DPP6: variants seen among roughly 807,000 people sequenced by gnomAD.
DPP6 encodes the protein dipeptidyl peptidase like 6.
Under a neutral mutation model 122.6 loss-of-function variants are expected in DPP6, and 69 were observed. The ratio of observed to expected loss-of-function variants is 0.56; its 90% confidence interval spans 0.46 to 0.69. DPP6 has a LOEUF of 0.69. Among genes scored for constraint, DPP6 ranks in the 30% least tolerant of loss-of-function variants. The probability of loss-of-function intolerance (pLI) is 0.00; values close to 1 mark genes in which losing one functional copy is unlikely to be tolerated. For synonymous variants in DPP6, 418 were observed against 433.1 expected (o/e 0.97, Z 0.43); for missense variants, 928 against 1,116.9 (o/e 0.83, Z 2.41).
intron 1 of DPP6, among the ~76,000 whole-genome samples, chr7:153,988,500 G>C (rs2129040992): frequency 6.6e-6 from 1 of 152,312 alleles, no homozygotes; most frequent in South Asian, 2.1e-4. Context: ...GTGGAGGCTT[G>C]CACATTTGTT....
chr7:154,207,753 C>T (rs923754482), intron 1 of DPP6, among the ~76,000 whole-genome samples: 3 of 152,120 alleles, frequency 2.0e-5, no homozygotes, highest in East Asian at 3.8e-4. Context: ...GAAGCAGAAC[C>T]CAGAGAATCT....
At chr7:154,572,699 A>T (rs1282983059) in intron 5 of DPP6, among the ~76,000 whole-genome samples, 12 of 82,884 alleles carry the variant, frequency 1.4e-4, no homozygotes, top group East Asian at 6.4e-4. Context: ...TTTTTTTTTG[A>T]GACAGAGTCT....
chr7:154,763,508 C>T (rs1170398469), intron 8 of DPP6, among the ~76,000 whole-genome samples: 3 of 152,094 alleles, frequency 2.0e-5, no homozygotes, highest in African/African-American at 4.8e-5. Context: ...AGGCACAGTT[C>T]GCTTGTCCAT....
intron 6 of DPP6, among the ~76,000 whole-genome samples, chr7:154,639,490 T>C (rs1390466734): frequency 1.3e-5 from 2 of 152,254 alleles, no homozygotes; most frequent in Non-Finnish European, 2.9e-5. Context: ...TTGTAGATGA[T>C]AGATATTTCG....
At chr7:154,512,517 A>T (rs1826168291) in intron 3 of DPP6, among the ~76,000 whole-genome samples, 1 of 152,220 alleles carries the variant, frequency 6.6e-6, no homozygotes, top group South Asian at 2.1e-4. Flanking sequence ...AGTTAAAAAT[A>T]ATGACTTAAT....
intron 1 of DPP6, among the ~76,000 whole-genome samples, chr7:153,919,147 A>G (rs1291005087): frequency 2.0e-5 from 3 of 152,062 alleles, no homozygotes; most frequent in African/African-American, 7.2e-5. Flanking sequence ...CCTTGGCCTT[A>G]TTCTTGAACT....
At chr7:153,784,198 C>T in the DPP6 span, among the ~76,000 whole-genome samples, 1 of 152,238 alleles carries the variant, frequency 6.6e-6, no homozygotes, top group Admixed American at 6.5e-5. Flanking sequence ...AATAAATGTG[C>T]AAGCAGCATT....
chr7:154,027,492 G>C (rs1468828149), intron 1 of DPP6, among the ~76,000 whole-genome samples: 1 of 152,146 alleles, frequency 6.6e-6, no homozygotes, highest in Non-Finnish European at 1.5e-5. Flanking sequence ...GGGTCTCTCT[G>C]AAGTGTCTCT....
At chr7:154,367,802 T>G (rs1034480887) in intron 1 of DPP6, among the ~76,000 whole-genome samples, 1 of 152,178 alleles carries the variant, frequency 6.6e-6, no homozygotes, top group Non-Finnish European at 1.5e-5. Flanking sequence ...TAAAATTTAT[T>G]ATTGATTGAT....
At chr7:154,143,408 CA>C (rs1795939505) in intron 1 of DPP6, among the ~76,000 whole-genome samples, 2 of 151,110 alleles carry the variant, frequency 1.3e-5, no homozygotes, top group African/African-American at 4.8e-5. Flanking sequence ...CCTTAACTTT[CA>C]GATAAGTTTC....
At chr7:154,596,430 G>A (rs1340329287) in intron 5 of DPP6, among the ~76,000 whole-genome samples, 1 of 152,234 alleles carries the variant, frequency 6.6e-6, no homozygotes, top group East Asian at 1.9e-4. Flanking sequence ...ACATTGTACA[G>A]ACATTGTAAA....
intron 1 of DPP6, among the ~76,000 whole-genome samples, chr7:154,292,341 T>G (rs1805264700): frequency 6.6e-6 from 1 of 152,224 alleles, no homozygotes; most frequent in South Asian, 2.1e-4. Flanking sequence ...TCAATCCTCT[T>G]GTGAGTTTCA....
chr7:154,773,535 G>A (rs183071918), intron 10 of DPP6, among the ~76,000 whole-genome samples: 25 of 152,212 alleles, frequency 1.6e-4, no homozygotes, highest in Admixed American at 3.9e-4. Flanking sequence ...TTCAAGCAGC[G>A]TGGGGAATGA....
chr7:153,965,557 G>A (rs1314723460), intron 1 of DPP6, among the ~76,000 whole-genome samples: 1 of 151,960 alleles, frequency 6.6e-6, no homozygotes, highest in Non-Finnish European at 1.5e-5. Context: ...GTGTCCCCCA[G>A]GTTGGAGCAC....
chr7:154,682,495 C>T (rs1839344226), intron 7 of DPP6, among the ~76,000 whole-genome samples: 1 of 152,196 alleles, frequency 6.6e-6, no homozygotes, highest in Non-Finnish European at 1.5e-5. Flanking sequence ...TGGGGTCGGC[C>T]CTCATTCTAA....
chr7:154,797,248 T>C (rs1798100447), intron 12 of DPP6, among the ~76,000 whole-genome samples: 1 of 152,234 alleles, frequency 6.6e-6, no homozygotes, highest in Non-Finnish European at 1.5e-5. Context: ...AGTCGGCTAC[T>C]ATCACTGAGC....
chr7:154,587,435 CT>C, intron 5 of DPP6: 1 of 607,372 alleles, frequency 1.6e-6, no homozygotes, highest in South Asian at 2.0e-5. Flanking sequence ...TCCTTCCCTC[CT>C]GTGCATCCCA....
chr7:154,360,825 C>G lies in DPP6; in HGVS notation c.244-85389C>G, dbSNP rs114840866. On this transcript the variant is annotated intron_variant, in intron 1 of 25. Coordinates refer to ENST00000377770, the MANE Select transcript of DPP6 (RefSeq NM_130797.4). The stretch of plus-strand genomic sequence containing the variant: ...ATTGCCCTCGCCCACCAGAATTCAT[C>G]ACTGATGGCCTGCTCTGGCCCTGCC... Among the ~76,000 whole-genome samples the G allele has an allele frequency of 1.8e-3, 274 of 152,358 alleles. 1 individual carries two copies. The highest frequency in any genetic ancestry group is 6.3e-3 in the African/African-American group (262 of 41,586).
chr7:154,530,404 A>T (rs1033830833), intron 3 of DPP6, among the ~76,000 whole-genome samples: 1 of 152,202 alleles, frequency 6.6e-6, no homozygotes, highest in African/African-American at 2.4e-5. Flanking sequence ...AAAGCACATC[A>T]CATCATTAGA....
Sources: gnomAD v4.1 joint callset for allele counts (sites outside exome capture counted in the v4.1 genomes callset) on GRCh38, gnomAD v4.1.1 for gene constraint, MANE v1.5 for transcripts, NCBI Gene and HGNC (gene_info 2026-07-23, HGNC 2026-07-21) for gene names.